CHD6: variants seen among roughly 807,000 people sequenced by gnomAD.
CHD6 encodes the protein ATP-dependent chromatin remodeler CHD6.
Under a neutral mutation model 276.9 loss-of-function variants are expected in CHD6, and 50 were observed. The ratio of observed to expected loss-of-function variants is 0.18; its 90% CI spans 0.14 to 0.23. The LOEUF (loss-of-function observed/expected upper bound fraction) is 0.23. CHD6 is among the 10% of genes least tolerant of loss of function. CHD6 has a pLI of 1.00. For missense variants in CHD6, 2,564 were observed against 3,365.8 expected (o/e 0.76, Z 5.89); for synonymous variants, 1,173 against 1,229.3 (o/e 0.95, Z 0.96).
intron 1 of CHD6, among the ~76,000 whole-genome samples, chr20:41,570,563 T>A (rs2045405628): frequency 6.6e-6 from 1 of 152,242 alleles, no homozygotes; most frequent in South Asian, 2.1e-4. Context: ...TTAAAGATTA[T>A]AAGGAAACAA....
chr20:41,468,559 T>G (rs868703937), intron 17 of CHD6, among the ~76,000 whole-genome samples: 4 of 152,224 alleles, frequency 2.6e-5, no homozygotes, highest in South Asian at 4.1e-4. Flanking sequence ...TCCAATACTT[T>G]AAGTAACACC....
At position 41,451,833 on chromosome 20, in the gene CHD6, G is replaced by A; in HGVS notation, c.3516C>T (p.Asn1172=). The part of the protein sequence containing the change: ...TKDGQAQTLQ[N]HSGLSAPVPR... ...GGCCCTGCCACCTCTCACCTGAGTG[G>A]TTCTGGAGGGTCTGGGCTTGCCCAT... The change falls in exon 22 of 37, where the codon AAC becomes AAT. Residue 1172 remains asparagine (N), a synonymous_variant. Transcript: ENST00000373233. 1.2e-6 allele frequency: 2 copies of A among 1,614,138 alleles called. No homozygotes were observed. The highest frequency in any genetic ancestry group is 1.7e-6 in the Non-Finnish European group (2 of 1,179,978).
At chr20:41,533,010 G>T in intron 3 of CHD6, 40 bp downstream of exon 3, 1 of 1,543,190 alleles carries the variant, frequency 6.5e-7, no homozygotes, top group South Asian at 1.3e-5. Flanking sequence ...GTTCTGCACT[G>T]GCATAGGCAA....
chr20:41,591,104 T>C (rs1385047292), intron 1 of CHD6, among the ~76,000 whole-genome samples: 3 of 150,796 alleles, frequency 2.0e-5, no homozygotes, highest in African/African-American at 4.9e-5. Context: ...AGCAAACTAT[T>C]GCAGGGACAA....
rs767226862 is a variant in CHD6 at position 41,511,045 on chromosome 20, G to A, written c.852+1801C>T. On this transcript the variant is annotated intron_variant, in intron 5 of 36. Coordinates refer to ENST00000373233, the MANE Select transcript of CHD6 (RefSeq NM_032221.5). ...CTGCTATGTAACTCTGACCTGGATCGTTCTGGGCTTCAGTTTCTTCATTGT... is the reference window on the plus strand; with the variant it reads ...CTGCTATGTAACTCTGACCTGGATCATTCTGGGCTTCAGTTTCTTCATTGT... Among the ~76,000 whole-genome samples, 8 of 152,180 alleles carry A rather than the reference G, an allele frequency of 5.3e-5. No individual in the cohort carries two copies. In the East Asian group the frequency reaches 5.8e-4, roughly 11 times the overall value.
chr20:41,468,726 G>GACATC (rs1170567209), intron 17 of CHD6, among the ~76,000 whole-genome samples: 1 of 152,100 alleles, frequency 6.6e-6, no homozygotes, highest in Non-Finnish European at 1.5e-5. Flanking sequence ...AAGAAACAGG[G>GACATC]GATGTAGGTG....
chr20:41,612,299 T>C (rs527479400), intron 1 of CHD6, among the ~76,000 whole-genome samples: 1 of 152,350 alleles, frequency 6.6e-6, no homozygotes, highest in South Asian at 2.1e-4. Flanking sequence ...TTTACACTTA[T>C]CTTTCTGGAG....
At position 41,405,411 on chromosome 20, in the gene CHD6, T is replaced by C; in HGVS notation, c.7330A>G (p.Arg2444Gly). The change falls in exon 37 of 37, where the codon AGG becomes GGG. Residue 2444 changes from arginine to glycine, a missense_variant. Arg to Gly is a moderately radical substitution (Grantham distance 125, BLOSUM62 -2). This residue lies in a region of CHD6 where 1,024 missense variants were observed against 1,047.9 expected (regional missense o/e 0.98). Transcript: ENST00000373233. Reference sequence around the variant, plus strand: ...TTCAGGAGTTCGCTCCGAGGCCGCCTCCCCCTCCTGCGGGGGCCCGTATCT... The same window carrying C: ...TTCAGGAGTTCGCTCCGAGGCCGCCCCCCCCTCCTGCGGGGGCCCGTATCT... The part of the protein sequence containing the change: ...LRDTGPRRRG[R>G]RPRSELLKAP... 1 of 1,612,348 alleles carries C rather than the reference T, an allele frequency of 6.2e-7. No individual in the cohort carries two copies. The highest frequency in any genetic ancestry group is 8.5e-7 in the Non-Finnish European group (1 of 1,178,774).
rs191426880 is a variant in CHD6, at chr20:41,488,344, G to A, written c.1857+84C>T. On this transcript the variant is annotated intron_variant, in intron 13 of 36. Transcript: ENST00000373233. Reference sequence around the variant, plus strand: ...ATGTAAAACGACTAGGCAGAAATAAGTTACATGCAGAATGGCTAAAGAGTG... The same window carrying A: ...ATGTAAAACGACTAGGCAGAAATAAATTACATGCAGAATGGCTAAAGAGTG... 34 of 1,225,246 alleles carry A rather than the reference G, an allele frequency of 2.8e-5. No individual in the cohort carries two copies. In the East Asian group the frequency reaches 7.3e-4, roughly 26 times the overall value. The allele number at this position is 1,225,246 out of a possible 1,614,324, so 75.9% of individuals were successfully genotyped here. A position where few individuals can be genotyped will look rare whatever the true frequency, so the allele number is the denominator to read the frequency against.
chr20:41,539,339 T>C (rs2044895791), intron 2 of CHD6, among the ~76,000 whole-genome samples: 2 of 152,226 alleles, frequency 1.3e-5, no homozygotes, highest in Non-Finnish European at 2.9e-5. Context: ...CACATTAACC[T>C]AACTCTCCTC....
intron 2 of CHD6, among the ~76,000 whole-genome samples, chr20:41,544,244 A>T (rs1320310495): frequency 6.6e-6 from 1 of 152,166 alleles, no homozygotes; most frequent in Admixed American, 6.5e-5. Context: ...TGTCTCAAAA[A>T]AAAACAAAGT....
At chr20:41,599,180 T>C (rs917099200) in intron 1 of CHD6, among the ~76,000 whole-genome samples, 3 of 152,138 alleles carry the variant, frequency 2.0e-5, no homozygotes, top group Admixed American at 6.5e-5. Flanking sequence ...AACAATTAGG[T>C]CCTAACAGCC....
Position 41,402,693 on chromosome 20 carries a change from TATTG to T in CHD6, c.*1896_*1899del, listed in dbSNP as rs1353981574. 15 of 214,398 alleles carry T rather than the reference TATTG, an allele frequency of 7.0e-5. No homozygotes were observed. Among genetic ancestry groups the T allele is most frequent in the Non-Finnish European group, 1.1e-4 (12 of 106,198 alleles). The allele number at this position is 214,398 out of a possible 1,614,324, so 13.3% of individuals were successfully genotyped here. On this transcript the variant is annotated 3_prime_UTR_variant, in exon 37 of 37. Transcript: ENST00000373233. ...TTAGTACTTAAAAGGTTCAAAAATA[TATTG>T]ATTGAGTTATTTTTCTTACATAAAT...
intron 1 of CHD6, among the ~76,000 whole-genome samples, chr20:41,585,054 C>T (rs2045579351): frequency 6.6e-6 from 1 of 152,056 alleles, no homozygotes; most frequent in Non-Finnish European, 1.5e-5. Flanking sequence ...AGGAAAAAGA[C>T]ACAATTTACC....
chr20:41,549,500 G>C (rs1401525753), intron 2 of CHD6, among the ~76,000 whole-genome samples: 2 of 95,388 alleles, frequency 2.1e-5, no homozygotes, highest in African/African-American at 8.3e-5. Flanking sequence ...TTGTGGGGTG[G>C]GGGGAGGGGG....
chr20:41,575,632 A>G (rs1311974674), intron 1 of CHD6, among the ~76,000 whole-genome samples: 1 of 152,330 alleles, frequency 6.6e-6, no homozygotes, highest in South Asian at 2.1e-4. Flanking sequence ...AAAACAAAAA[A>G]CAAAAAACAC....
intron 8 of CHD6, among the ~76,000 whole-genome samples, chr20:41,495,937 T>C (rs951393540): frequency 6.6e-6 from 1 of 152,188 alleles, no homozygotes; most frequent in Non-Finnish European, 1.5e-5. Flanking sequence ...GGAGGGGCAG[T>C]TTGACTGCAG....
intron 18 of CHD6, 112 bp downstream of exon 18, chr20:41,457,152 G>A (rs2048400139): frequency 3.2e-6 from 4 of 1,231,102 alleles, no homozygotes; most frequent in Non-Finnish European, 4.5e-6. Context: ...ATGATGTGAG[G>A]GCTGGCTCAA....
rs1417984068 is a variant in CHD6, at chr20:41,415,375, T to C, written c.6750A>G (p.Gly2250=). Residue 2250 remains glycine, a synonymous_variant, in exon 34 of 37, where the codon GGA becomes GGG. Coordinates refer to ENST00000373233, the MANE Select transcript of CHD6 (RefSeq NM_032221.5). ...PKIGAISSLQ[G]ALGMDLSGIL... Reference sequence around the variant, plus strand: ...TCCCAGACAAGTCCATGCCAAGGGCTCCCTGAAGTGAACTGATAGCCCCAA... The same window carrying C: ...TCCCAGACAAGTCCATGCCAAGGGCCCCCTGAAGTGAACTGATAGCCCCAA... The C allele has an allele frequency of 1.9e-6, 3 of 1,613,992 alleles. No individual in the cohort carries two copies. Among genetic ancestry groups the C allele is most frequent in the Non-Finnish European group, 2.5e-6 (3 of 1,179,948 alleles).
Sources: allele counts gnomAD v4.1 joint callset (sites outside exome capture counted in the v4.1 genomes callset), GRCh38; gene constraint gnomAD v4.1.1; regional missense constraint gnomAD v4.1.1; transcripts MANE v1.5; gene names NCBI Gene and HGNC (gene_info 2026-07-23, HGNC 2026-07-21).